The following NEK1 variants were observed in gnomAD, a reference collection of about 807,000 sequenced individuals.
NEK1 encodes serine/threonine-protein kinase Nek1.
In NEK1, 137 loss-of-function variants were observed where a neutral mutation model predicts 182.1. The ratio of observed to expected loss-of-function variants is 0.75; its 90% confidence interval spans 0.65 to 0.87. The LOEUF (loss-of-function observed/expected upper bound fraction) is 0.87. NEK1 is among the 40% of genes least tolerant of loss of function. The pLI is 0.00. For synonymous variants in NEK1, 513 were observed against 492.2 expected (o/e 1.04, Z -0.56); for missense variants, 1,391 against 1,494.4 (o/e 0.93, Z 1.14).
rs771840690 is a variant in NEK1 at position 169,577,064 on chromosome 4, G to A, written c.884C>T (p.Ser295Leu). 27 of 1,613,634 alleles carry A rather than the reference G, an allele frequency of 1.7e-5. No homozygotes were observed. In the South Asian group the frequency reaches 3.0e-4, roughly 18 times the overall value. The change falls in exon 12 of 36, where the codon TCA becomes TTA. Residue 295 changes from serine (S) to leucine (L), a missense_variant. Ser to Leu is a moderately radical substitution (Grantham distance 145). Coordinates refer to ENST00000507142, the MANE Select transcript of NEK1 (RefSeq NM_001199397.3). ...CATAACAGAAATCGAGTTTTGTCCT[G>A]AAGCTGGTCTTTTAGCTAGATGAAA... ...SQPIPAKRPA[S>L]GQNSISVMPA...
chr4:169,576,824 T>C lies in NEK1; in HGVS notation c.1020+104A>G. 7.0e-6 allele frequency: 8 copies of C among 1,138,914 alleles called. No homozygotes were observed. The Admixed American group carries it at 1.7e-4, about 24-fold the overall frequency. The allele number at this position is 1,138,914 out of a possible 1,614,324, so 70.6% of individuals were successfully genotyped here. A position where few individuals can be genotyped will look rare whatever the true frequency, so the allele number is the denominator to read the frequency against. Reference sequence around the variant, plus strand: ...CAGAAGGAGGACATTCCTTGGTAACTTAATAAAAGTAATCCTATAATATCA... The same window carrying C: ...CAGAAGGAGGACATTCCTTGGTAACCTAATAAAAGTAATCCTATAATATCA... On this transcript the variant is annotated intron_variant, in intron 12 of 35. Transcript: ENST00000507142.
chr4:169,569,638 C>CG (rs1287636558), intron 12 of NEK1, among the ~76,000 whole-genome samples: 1 of 151,772 alleles, frequency 6.6e-6, no homozygotes, highest in African/African-American at 2.4e-5. Context: ...ATTGCAGGCG[C>CG]GCGCCACCAC....
Position 169,424,546 on chromosome 4 carries a change from T to C in NEK1, c.3222+7A>G, listed in dbSNP as rs756853265. On this transcript the variant is annotated splice_region_variant and intron_variant, in intron 31 of 35. Transcript: ENST00000507142. ...GATAATATTTTCCACTTGAGGACCA[T>C]ACTTGCCTTTGGGTTGTTTGCATCA... 1.1e-5 allele frequency: 18 copies of C among 1,579,720 alleles called. No homozygotes were observed. The highest frequency in any genetic ancestry group is 1.5e-5 in the Non-Finnish European group (17 of 1,158,724).
At chr4:169,423,407 T>C (rs1735819426) in intron 31 of NEK1, among the ~76,000 whole-genome samples, 1 of 152,116 alleles carries the variant, frequency 6.6e-6, no homozygotes, top group Non-Finnish European at 1.5e-5. Flanking sequence ...CTGGCCAAAA[T>C]GACATATTTA....
intron 12 of NEK1, among the ~76,000 whole-genome samples, chr4:169,567,951 A>G (rs1763990768): frequency 6.6e-6 from 1 of 152,254 alleles, no homozygotes; most frequent in African/African-American, 2.4e-5. Flanking sequence ...TATACTGAAT[A>G]TTAATGGAAA....
chr4:169,570,339 C>A (rs1204811657), intron 12 of NEK1, among the ~76,000 whole-genome samples: 1 of 151,984 alleles, frequency 6.6e-6, no homozygotes, highest in East Asian at 1.9e-4. Context: ...CGCCCGGCAG[C>A]CACCCCGTCC....
intron 23 of NEK1, among the ~76,000 whole-genome samples, chr4:169,503,855 T>C (rs1252684857): frequency 4.0e-5 from 6 of 151,830 alleles, no homozygotes; most frequent in Admixed American, 3.9e-4. Context: ...GCAACCTAAG[T>C]AAAAATGGAC....
intron 27 of NEK1, among the ~76,000 whole-genome samples, chr4:169,450,435 T>C (rs1241837922): frequency 1.3e-5 from 2 of 152,064 alleles, no homozygotes; most frequent in Admixed American, 6.6e-5. Context: ...GAGAGAAAGG[T>C]CGAGTTACCC....
Position 169,588,719 on chromosome 4 carries a change from G to A in NEK1, c.481C>T (p.Arg161Ter), listed in dbSNP as rs202115635. 80 of 1,547,228 alleles carry A rather than the reference G, an allele frequency of 5.2e-5. No individual in the cohort carries two copies. Among genetic ancestry groups the A allele is most frequent in the Admixed American group, 3.9e-5 (2 of 51,002 alleles). The change falls in exon 8 of 36, where the codon CGA (arginine) becomes TGA (stop). Residue 161 changes from arginine (R) to a stop codon, truncating the protein, a stop_gained. Transcript: ENST00000507142. LOFTEE classifies it high-confidence loss of function. ...RVLNSTVELA[R>*]TCIGTPYYLS... Reference sequence around the variant, plus strand: ...TAGTATGGGGTCCCTATGCAAGTTCGAGCCAGCTCTACAGTACTAGAAGAA... The same window carrying A: ...TAGTATGGGGTCCCTATGCAAGTTCAAGCCAGCTCTACAGTACTAGAAGAA...
At chr4:169,475,707 C>T (rs1469366719) in intron 26 of NEK1, among the ~76,000 whole-genome samples, 3 of 152,038 alleles carry the variant, frequency 2.0e-5, no homozygotes, top group African/African-American at 4.8e-5. Context: ...ATAAAATTTT[C>T]ACAACTGTAT....
intron 5 of NEK1, among the ~76,000 whole-genome samples, chr4:169,597,290 A>G (rs1298958231): frequency 1.3e-5 from 2 of 152,192 alleles, no homozygotes; most frequent in Non-Finnish European, 2.9e-5. Flanking sequence ...TACCAACTTG[A>G]TAAGTAGAGC....
intron 23 of NEK1, among the ~76,000 whole-genome samples, chr4:169,500,297 T>C (rs142888461): frequency 0.013 from 2,003 of 152,256 alleles, 39 homozygotes; most frequent in African/African-American, 0.045. Context: ...GTGCCGTCTG[T>C]CACCCCTTTC....
At chr4:169,473,522 A>G (rs1746399696) in intron 26 of NEK1, among the ~76,000 whole-genome samples, 1 of 152,162 alleles carries the variant, frequency 6.6e-6, no homozygotes, top group Admixed American at 6.5e-5. Context: ...TACACCCTGA[A>G]TCTATAGAAA....
At chr4:169,431,312 C>T (rs1190129982) in intron 29 of NEK1, among the ~76,000 whole-genome samples, 1 of 151,880 alleles carries the variant, frequency 6.6e-6, no homozygotes, top group African/African-American at 2.4e-5. Flanking sequence ...AACTTAGGAG[C>T]AACATTCATT....
chr4:169,438,921 A>G (rs1323975773), intron 27 of NEK1, among the ~76,000 whole-genome samples: 2 of 152,158 alleles, frequency 1.3e-5, no homozygotes, highest in African/African-American at 4.8e-5. Context: ...ACTTGTCATT[A>G]ATTATAGCCT....
chr4:169,612,577 C>T lies in NEK1; in HGVS notation c.-528G>A, dbSNP rs75976017. The T allele has an allele frequency of 0.071, 10,798 of 151,952 alleles. 1,260 individuals are homozygous for T. Among genetic ancestry groups the T allele is most frequent in the African/African-American group, 0.25 (10,133 of 41,306 alleles). 9.4% of individuals were successfully genotyped at this position (151,952 alleles called of 1,614,324 possible). On this transcript the variant is annotated 5_prime_UTR_variant, in exon 1 of 36. Transcript: ENST00000507142. Reference sequence around the variant, plus strand: ...AACCTAGGGTCCCAAAACCCTGGAGCGAATGCGGACTAAGGGAGAGCGGCC... The same window carrying T: ...AACCTAGGGTCCCAAAACCCTGGAGTGAATGCGGACTAAGGGAGAGCGGCC...
At chr4:169,445,399 T>G (rs951855168) in intron 27 of NEK1, among the ~76,000 whole-genome samples, 3 of 152,042 alleles carry the variant, frequency 2.0e-5, no homozygotes, top group African/African-American at 7.2e-5. Flanking sequence ...TACTCCAACA[T>G]GGGCGACAGA....
chr4:169,590,060 C>A (rs973458066), intron 6 of NEK1, among the ~76,000 whole-genome samples: 11 of 152,150 alleles, frequency 7.2e-5, no homozygotes, highest in African/African-American at 2.7e-4. Flanking sequence ...GTAATCCCAG[C>A]ACTTTGGAAG....
rs1475714912 is a variant in NEK1 at position 169,454,056 on chromosome 4, C to CG, written c.2587+9186_2587+9187insC. 8.0e-4 allele frequency among the ~76,000 whole-genome samples: 122 copies of CG among 152,234 alleles called. 1 individual carries two copies. Among genetic ancestry groups the CG allele is most frequent in the African/African-American group, 2.7e-3 (112 of 41,538 alleles). On this transcript the variant is annotated intron_variant, in intron 27 of 35. Coordinates refer to ENST00000507142, the MANE Select transcript of NEK1 (RefSeq NM_001199397.3). ...CTACAACCATCTGATCTTTAACAAA[C>CG]CTGACAAAAACGAGAAATGGGGAAA... is the stretch of plus-strand genomic sequence containing the variant.
Sources: gnomAD v4.1 joint callset for allele counts (sites outside exome capture counted in the v4.1 genomes callset) on GRCh38, gnomAD v4.1.1 for gene constraint, MANE v1.5 for transcripts, NCBI Gene and HGNC (gene_info 2026-07-23, HGNC 2026-07-21) for gene names.